PTK2B: variants seen among roughly 807,000 people sequenced by gnomAD.
The protein encoded by PTK2B is protein-tyrosine kinase 2-beta.
In PTK2B, 71 loss-of-function variants were observed where a neutral mutation model predicts 142.9. The ratio of observed to expected loss-of-function variants is 0.50; its 90% CI spans 0.41 to 0.61. PTK2B has a LOEUF of 0.61. Ranked by LOEUF, PTK2B falls within the 20% of genes least tolerant of loss-of-function variation. The pLI, the probability that PTK2B is intolerant of heterozygous loss-of-function variation, is 0.00. For missense variants in PTK2B, 1,105 were observed against 1,320.4 expected (o/e 0.84, Z 2.53); for synonymous variants, 519 against 503.4 (o/e 1.03, Z -0.42).
rs112671262 is a variant in PTK2B, at chr8:27,369,714, C to G, written c.-37-27834C>G. On this transcript the variant is annotated intron_variant, in intron 1 of 30. Transcript: ENST00000346049. ...TCAAGGCTGAGTGTGGTAGCTCATG[C>G]CCGTAATCCCAGCACTTTGAGAGGC... Among the ~76,000 whole-genome samples the G allele has an allele frequency of 3.4e-3, 506 of 150,462 alleles. 3 individuals are homozygous for G. The highest frequency in any genetic ancestry group is 0.012 in the African/African-American group (485 of 40,762).
intron 1 of PTK2B, among the ~76,000 whole-genome samples, chr8:27,392,375 C>G (rs1334002732): frequency 6.7e-6 from 1 of 150,130 alleles, no homozygotes; most frequent in Non-Finnish European, 1.5e-5. Flanking sequence ...TACAGGTCAT[C>G]AGACAAGATT....
intron 2 of PTK2B, among the ~76,000 whole-genome samples, chr8:27,407,301 T>C (rs1172776011): frequency 2.0e-5 from 3 of 152,216 alleles, no homozygotes; most frequent in African/African-American, 7.2e-5. Flanking sequence ...AAACCCTTCA[T>C]GATTCTCTTG....
At chr8:27,414,001 A>ATTTAATACTTAAGCCCCAC (rs1809227032) in intron 2 of PTK2B, among the ~76,000 whole-genome samples, 1 of 152,208 alleles carries the variant, frequency 6.6e-6, no homozygotes, top group South Asian at 2.1e-4. Context: ...ATACTTAAGT[A>ATTTAATACTTAAGCCCCAC]ATCCTAGATG....
chr8:27,457,074 G>A (rs1812182281), intron 30 of PTK2B, among the ~76,000 whole-genome samples: 1 of 152,222 alleles, frequency 6.6e-6, no homozygotes, highest in Non-Finnish European at 1.5e-5. Context: ...TAAGATCATT[G>A]ATGAAGATGG....
intron 1 of PTK2B, among the ~76,000 whole-genome samples, chr8:27,331,675 C>T (rs1023732412): frequency 5.3e-5 from 7 of 131,084 alleles, no homozygotes; most frequent in Admixed American, 1.5e-4. Context: ...TTAGTAGAAA[C>T]GGGGTTTCAC....
Position 27,442,438 on chromosome 8 carries a change from G to A in PTK2B, c.2040-437G>A, listed in dbSNP as rs927183425. Among the ~76,000 whole-genome samples, 11 of 152,150 alleles carry A rather than the reference G, an allele frequency of 7.2e-5. 1 individual carries two copies. Among genetic ancestry groups the A allele is most frequent in the African/African-American group, 1.2e-4 (5 of 41,428 alleles). On this transcript the variant is annotated intron_variant, in intron 21 of 30. Transcript: ENST00000346049. ...CCCACATGCCTCATTAGCACATACC[G>A]GGGATGCGTTGGGGGATGTTTCATG...
intron 1 of PTK2B, among the ~76,000 whole-genome samples, chr8:27,351,140 G>A (rs1805069713): frequency 6.8e-6 from 1 of 146,802 alleles, no homozygotes; most frequent in African/African-American, 2.5e-5. Context: ...GAAGTTCCAG[G>A]TAGCAATGAG....
At chr8:27,458,253 C>T (rs754206964) in intron 30 of PTK2B, 41 bp from the exon 31 acceptor site, 1 of 1,584,780 alleles carries the variant, frequency 6.3e-7, no homozygotes, top group Non-Finnish European at 8.6e-7. Context: ...CAAGCACAGA[C>T]TTTGTGGCCT....
In PTK2B at chr8:27,454,182, G is replaced by A. The variant is rs777145911; in HGVS notation, c.2624G>A (p.Arg875Gln). ...QSIQPTANLD[R>Q]TDDLVYLNVM... is the part of the protein sequence containing the mutation. ...ATCCAGCCCACAGCTAACCTGGACC[G>A]GACTGATGACCTGGTGTACCTCAAT... Residue 875 changes from arginine (R) to glutamine (Q), a missense_variant, in exon 29 of 31, where the codon CGG (arginine) becomes CAG (glutamine). Coordinates refer to ENST00000346049, the MANE Select transcript of PTK2B (RefSeq NM_173176.3). 19 of 1,613,930 alleles carry A rather than the reference G, an allele frequency of 1.2e-5. No homozygotes were observed. The highest frequency in any genetic ancestry group is 4.0e-5 in the African/African-American group (3 of 74,916).
chr8:27,453,914 G>C (rs1322719081), intron 28 of PTK2B: 18 of 500,490 alleles, frequency 3.6e-5, no homozygotes, highest in Non-Finnish European at 1.4e-5. Context: ...TGTCCAGGTG[G>C]TGGTTCTAAT....
At chr8:27,386,984 G>A (rs1807404590) in intron 1 of PTK2B, among the ~76,000 whole-genome samples, 1 of 150,844 alleles carries the variant, frequency 6.6e-6, no homozygotes, top group Non-Finnish European at 1.5e-5. Flanking sequence ...ATATTAACAT[G>A]TCAAAAGTCT....
At chr8:27,373,838 T>C (rs534344454) in intron 1 of PTK2B, among the ~76,000 whole-genome samples, 1 of 152,066 alleles carries the variant, frequency 6.6e-6, no homozygotes, top group Non-Finnish European at 1.5e-5. Context: ...AGCCTTGGGA[T>C]GGGATCTTCT....
chr8:27,369,530 C>T (rs1229421816), intron 1 of PTK2B, among the ~76,000 whole-genome samples: 1 of 148,280 alleles, frequency 6.7e-6, no homozygotes, highest in Admixed American at 6.7e-5. Context: ...ATTAGCCAGG[C>T]GTGGTGGTGG....
chr8:27,397,851 AGCAGCTCTCCTGCAGCCTC>A (rs11267627), intron 2 of PTK2B, 63 bp downstream of exon 2: 627,134 of 1,547,826 alleles, frequency 0.41, 132,167 homozygotes, highest in Middle Eastern at 0.48. Flanking sequence ...TGGGCAGCTG[AGCAGCTCTCCTGCAGCCTC>A]GCAGCTCTCC....
At chr8:27,429,262 T>A (rs1378485045) in intron 5 of PTK2B, among the ~76,000 whole-genome samples, 2 of 152,250 alleles carry the variant, frequency 1.3e-5, no homozygotes, top group African/African-American at 4.8e-5. Context: ...TTTTGAATCA[T>A]AAGTTACTTC....
chr8:27,453,089 C>T (rs1277890618), intron 27 of PTK2B, 25 bp from the exon 28 acceptor site: 6 of 1,613,468 alleles, frequency 3.7e-6, no homozygotes, highest in Middle Eastern at 1.8e-4. Context: ...GAACTGCCCC[C>T]CACTTGCTGT....
chr8:27,433,167 C>T (rs987674241), intron 10 of PTK2B, among the ~76,000 whole-genome samples: 1 of 152,228 alleles, frequency 6.6e-6, no homozygotes, highest in African/African-American at 2.4e-5. Flanking sequence ...ATTTATTGAG[C>T]ACCTACTAGG....
At chr8:27,444,722 G>T (rs776886028) in intron 23 of PTK2B, among the ~76,000 whole-genome samples, 3 of 152,146 alleles carry the variant, frequency 2.0e-5, no homozygotes, top group Non-Finnish European at 2.9e-5. Flanking sequence ...CCCCAACCAT[G>T]ACTCTTTCCC....
At chr8:27,437,607 A>G (rs1810868145) in intron 17 of PTK2B, 111 bp downstream of exon 17, 2 of 1,205,532 alleles carry the variant, frequency 1.7e-6, no homozygotes, top group African/African-American at 1.5e-5. Context: ...AATAAGCCAG[A>G]GGCCCTGTTT....
Sources: allele counts gnomAD v4.1 joint callset (sites outside exome capture counted in the v4.1 genomes callset), GRCh38; gene constraint gnomAD v4.1.1; transcripts MANE v1.5; gene names NCBI Gene and HGNC (gene_info 2026-07-23, HGNC 2026-07-21).